Variants in GLDC observed in about 807,000 individuals in gnomAD.
The protein encoded by GLDC is glycine dehydrogenase (decarboxylating), mitochondrial.
In GLDC, 104 loss-of-function variants were observed where a neutral mutation model predicts 121.3. The observed-to-expected ratio is 0.86, with a 90% CI of 0.73 to 1.01. GLDC has a LOEUF of 1.01. GLDC is among the 50% of genes least tolerant of loss of function. GLDC has a pLI of 0.00. For synonymous variants in GLDC, 546 were observed against 480.6 expected, an observed-to-expected ratio of 1.14 and a Z score of -1.78; for missense variants, 1,429 against 1,306.6, an observed-to-expected ratio of 1.09 and a Z score of -1.44.
At position 6,605,169 on chromosome 9, in the gene GLDC, C is replaced by T. The variant is rs147497463; in HGVS notation, c.823G>A (p.Asp275Asn). The change falls in exon 6 of 25, where the codon GAC (aspartate) becomes AAC (asparagine). Residue 275 changes from aspartate to asparagine, a missense_variant. By Grantham distance (23) the Asp-to-Asn change is conservative. Transcript: ENST00000321612. ...GCTCTCTCCACGAGTTCCGTAAAGT[C>T]TTCCACCTTCCCCTCCGTGTCTGGG... ...QYPDTEGKVEDFTELVERAHQ... is the reference protein window; with the variant it reads ...QYPDTEGKVENFTELVERAHQ... The T allele has an allele frequency of 6.2e-7, 1 of 1,613,308 alleles. No individual in the cohort carries two copies. Among genetic ancestry groups the T allele is most frequent in the Admixed American group, 1.7e-5 (1 of 59,996 alleles).
At chr9:6,628,396 C>T (rs1402528186) in intron 2 of GLDC, among the ~76,000 whole-genome samples, 1 of 152,206 alleles carries the variant, frequency 6.6e-6, no homozygotes, top group Admixed American at 6.5e-5. Context: ...CTGGACAAAA[C>T]CAGCTTGCTC....
At chr9:6,533,793 G>C (rs1319605978) in intron 24 of GLDC, among the ~76,000 whole-genome samples, 2 of 151,598 alleles carry the variant, frequency 1.3e-5, no homozygotes, top group African/African-American at 4.8e-5. Flanking sequence ...GGGAGGCAGA[G>C]GTTGTGGTGA....
chr9:6,559,253 G>C (rs961667275), intron 16 of GLDC, among the ~76,000 whole-genome samples: 1 of 152,132 alleles, frequency 6.6e-6, no homozygotes, highest in African/African-American at 2.4e-5. Flanking sequence ...AGTGGCTCAC[G>C]CGTGTAATCC....
chr9:6,567,587 GCCTTCC>G (rs1445213579), intron 15 of GLDC: 1 of 152,140 alleles, frequency 6.6e-6, no homozygotes, highest in Non-Finnish European at 1.5e-5. Context: ...CCTCAGAGAG[GCCTTCC>G]CTGAAGGCAA....
intron 12 of GLDC, 61 bp downstream of exon 12, chr9:6,589,134 G>A: frequency 9.9e-7 from 1 of 1,011,898 alleles, no homozygotes; most frequent in South Asian, 1.3e-5. Flanking sequence ...GCAGCACTCT[G>A]CCTAACTCCC....
intron 15 of GLDC, among the ~76,000 whole-genome samples, chr9:6,583,249 A>G (rs1818206620): frequency 6.6e-6 from 1 of 152,218 alleles, no homozygotes; most frequent in Admixed American, 6.5e-5. Context: ...CAGGGACTCA[A>G]CTAGATACTT....
intron 2 of GLDC, among the ~76,000 whole-genome samples, chr9:6,641,751 A>AT (rs1315651269): frequency 2.0e-5 from 3 of 152,242 alleles, no homozygotes; most frequent in African/African-American, 7.2e-5. Context: ...GTTATGTGTA[A>AT]TAAGTAACCC....
At chr9:6,639,825 G>T (rs1819593451) in intron 2 of GLDC, among the ~76,000 whole-genome samples, 1 of 151,966 alleles carries the variant, frequency 6.6e-6, no homozygotes, top group Non-Finnish European at 1.5e-5. Context: ...AAGGAAGCCA[G>T]CCTGCTACAA....
intron 7 of GLDC, among the ~76,000 whole-genome samples, chr9:6,602,725 A>G (rs1309549712): frequency 6.6e-6 from 1 of 152,136 alleles, no homozygotes; most frequent in Non-Finnish European, 1.5e-5. Context: ...TTGAAAGAAA[A>G]TTTTGCAGGA....
intron 2 of GLDC, chr9:6,622,979 G>A (rs1371578822): frequency 1.5e-4 from 29 of 190,326 alleles, no homozygotes; most frequent in African/African-American, 6.4e-4. Flanking sequence ...CAGCCACCCC[G>A]TCCGGGAGGG....
At chr9:6,560,674 T>C (rs1358630195) in intron 16 of GLDC, among the ~76,000 whole-genome samples, 1 of 152,156 alleles carries the variant, frequency 6.6e-6, no homozygotes, top group Admixed American at 6.5e-5. Flanking sequence ...AAAGCCAAAA[T>C]GAAGAATTCA....
intron 14 of GLDC, among the ~76,000 whole-genome samples, chr9:6,587,648 T>C (rs985800429): frequency 2.6e-5 from 4 of 152,054 alleles, no homozygotes; most frequent in Non-Finnish European, 4.4e-5. Context: ...CTTCACTAAG[T>C]GGAACAAGAA....
At chr9:6,643,380 A>C (rs1443646512) in intron 2 of GLDC, among the ~76,000 whole-genome samples, 1 of 151,064 alleles carries the variant, frequency 6.6e-6, no homozygotes, top group Non-Finnish European at 1.5e-5. Context: ...TCCATACCTC[A>C]AATGTCCACC....
Position 6,588,740 on chromosome 9 carries a change from T to G in GLDC, c.1581-38A>C, listed in dbSNP as rs762136680. 5 of 1,176,976 alleles carry G rather than the reference T, an allele frequency of 4.2e-6. No individual in the cohort carries two copies. The Middle Eastern group carries it at 9.5e-4, about 225-fold the overall frequency. 72.9% of individuals were successfully genotyped at this position (1,176,976 alleles called of 1,614,324 possible). A position where few individuals can be genotyped will look rare whatever the true frequency, so the allele number is the denominator to read the frequency against. On this transcript the variant is annotated intron_variant, in intron 12 of 24. Coordinates refer to ENST00000321612, the MANE Select transcript of GLDC (RefSeq NM_000170.3). ...AACACAGAATTAGGGGCCCCAAAAGTAGATATGAGTCCATGCACATCCTCC... is the reference window on the plus strand; with the variant it reads ...AACACAGAATTAGGGGCCCCAAAAGGAGATATGAGTCCATGCACATCCTCC...
chr9:6,544,457 A>G (rs1383103178), intron 21 of GLDC, among the ~76,000 whole-genome samples: 1 of 152,210 alleles, frequency 6.6e-6, no homozygotes, highest in Non-Finnish European at 1.5e-5. Flanking sequence ...AAGCCTAGCC[A>G]ACATGGCGAA....
chr9:6,635,571 T>C (rs1819484652), intron 2 of GLDC, among the ~76,000 whole-genome samples: 2 of 151,962 alleles, frequency 1.3e-5, no homozygotes, highest in Non-Finnish European at 2.9e-5. Flanking sequence ...ACCCTGTCTC[T>C]AAATAATAAT....
At chr9:6,603,146 T>C (rs995332875) in intron 7 of GLDC, among the ~76,000 whole-genome samples, 1 of 151,810 alleles carries the variant, frequency 6.6e-6, no homozygotes. Context: ...AAGAATCACT[T>C]GAACCTGGGA....
At chr9:6,582,212 C>A (rs1319901332) in intron 15 of GLDC, among the ~76,000 whole-genome samples, 2 of 51,324 alleles carry the variant, frequency 3.9e-5, no homozygotes, top group Non-Finnish European at 6.7e-5. Context: ...AAGACTTCGT[C>A]TCAAAAAAAA....
At chr9:6,557,375 C>A (rs1336252185) in intron 17 of GLDC, among the ~76,000 whole-genome samples, 1 of 152,162 alleles carries the variant, frequency 6.6e-6, no homozygotes, top group Non-Finnish European at 1.5e-5. Flanking sequence ...GCGGGCGGAT[C>A]ATGAGGTCAG....
Sources: gnomAD v4.1 joint callset for allele counts (sites outside exome capture counted in the v4.1 genomes callset) on GRCh38, gnomAD v4.1.1 for gene constraint, MANE v1.5 for transcripts, NCBI Gene and HGNC (gene_info 2026-07-23, HGNC 2026-07-21) for gene names.